Variants in MOSMO observed in about 807,000 individuals in gnomAD.
MOSMO encodes modulator of smoothened protein.
Under a neutral mutation model 18.4 loss-of-function variants are expected in MOSMO, and 5 were observed. The observed-to-expected ratio is 0.27, with a 90% CI of 0.14 to 0.57. The LOEUF (loss-of-function observed/expected upper bound fraction) is 0.57, where lower values mean the gene tolerates loss of function less well. Among genes scored for constraint, MOSMO ranks in the 20% least tolerant of loss-of-function variants. The pLI, the probability that MOSMO is intolerant of heterozygous loss-of-function variation, is 0.92. For missense variants in MOSMO, 138 were observed against 211.8 expected (o/e 0.65, Z 2.16); for synonymous variants, 82 against 82.3 (o/e 1.00, Z 0.02).
chr16:22,052,888 G>A (rs1287191762), intron 1 of MOSMO, among the ~76,000 whole-genome samples: 1 of 150,016 alleles, frequency 6.7e-6, no homozygotes, highest in Non-Finnish European at 1.5e-5. Context: ...CCTCAGGAGA[G>A]AAAACGAGAT....
intron 1 of MOSMO, among the ~76,000 whole-genome samples, chr16:22,057,332 G>C (rs190736181): frequency 1.9e-4 from 29 of 152,316 alleles, no homozygotes; most frequent in African/African-American, 7.0e-4. Flanking sequence ...CCTGAGGGAG[G>C]AACACTGTTC....
chr16:22,083,499 C>T lies in MOSMO; in HGVS notation c.*2619C>T, dbSNP rs1901118594. 3.2e-6 allele frequency: 1 copy of T among 309,038 alleles called. No homozygotes were observed. Among genetic ancestry groups the T allele is most frequent in the African/African-American group, 2.3e-5 (1 of 43,082 alleles). 19.1% of individuals were successfully genotyped at this position (309,038 alleles called of 1,614,324 possible). A position where few individuals can be genotyped will look rare whatever the true frequency, so the allele number is the denominator to read the frequency against. ...TCATTCATATAGATTTCTATAAATC[C>T]TATAAGTGAAAAGATAGACAACTGT... On this transcript the variant is annotated 3_prime_UTR_variant, in exon 3 of 3. Transcript: ENST00000542527.
At chr16:22,012,156 C>T (rs768148158) in intron 1 of MOSMO, among the ~76,000 whole-genome samples, 8 of 151,940 alleles carry the variant, frequency 5.3e-5, no homozygotes, top group Non-Finnish European at 1.0e-4. Flanking sequence ...GTTTTTATAC[C>T]GGATAAAATG....
chr16:22,010,613 C>G (rs962471496), intron 1 of MOSMO, among the ~76,000 whole-genome samples: 2 of 152,118 alleles, frequency 1.3e-5, no homozygotes, highest in Non-Finnish European at 2.9e-5. Flanking sequence ...GATAGCATAA[C>G]GTTCCTAAGA....
downstream of MOSMO, chr16:22,089,922 T>G (rs943954820): frequency 1.3e-5 from 2 of 151,968 alleles, no homozygotes; most frequent in South Asian, 4.1e-4. Flanking sequence ...GAATATCATC[T>G]CCCCTTTGGC....
At position 22,080,907 on chromosome 16, in the gene MOSMO, T is replaced by C. The variant is rs1381024594; in HGVS notation, c.*27T>C. ...GAATGTCTAAATTGCTTGACTCTTA[T>C]TATTTTTTATTTTATTTTATTTTTT... is the stretch of plus-strand genomic sequence containing the variant. On this transcript the variant is annotated 3_prime_UTR_variant, in exon 3 of 3. Transcript: ENST00000542527. 4.5e-6 allele frequency: 5 copies of C among 1,119,496 alleles called. No homozygotes were observed. The highest frequency in any genetic ancestry group is 5.8e-6 in the Non-Finnish European group (5 of 859,870). The allele number at this position is 1,119,496 out of a possible 1,614,324, so 69.3% of individuals were successfully genotyped here. A position where few individuals can be genotyped will look rare whatever the true frequency, so the allele number is the denominator to read the frequency against.
intron 1 of MOSMO, among the ~76,000 whole-genome samples, chr16:22,051,378 T>C (rs1900423441): frequency 6.6e-6 from 1 of 150,566 alleles, no homozygotes; most frequent in Admixed American, 6.6e-5. Flanking sequence ...AGAGCAAGAC[T>C]CCATCTCCAA....
intron 1 of MOSMO, among the ~76,000 whole-genome samples, chr16:22,024,990 CA>C (rs1899846869): frequency 6.6e-6 from 1 of 151,524 alleles, no homozygotes; most frequent in Admixed American, 6.6e-5. Context: ...TCTCTACAAA[CA>C]TTTTTTTTTT....
intron 1 of MOSMO, among the ~76,000 whole-genome samples, chr16:22,054,100 T>G (rs967192663): frequency 1.5e-4 from 23 of 152,098 alleles, no homozygotes; most frequent in South Asian, 4.2e-4. Flanking sequence ...ACTTTTTTTT[T>G]TTTGTTTCAT....
intron 1 of MOSMO, among the ~76,000 whole-genome samples, chr16:22,009,804 C>CAAAAAA (rs56313303): frequency 0.021 from 745 of 35,990 alleles, 6 homozygotes; most frequent in African/African-American, 0.029. Flanking sequence ...ACTAAAAATA[C>CAAAAAA]AAAAAAAAAA....
chr16:22,023,872 G>A (rs1899815480), intron 1 of MOSMO, among the ~76,000 whole-genome samples: 1 of 151,900 alleles, frequency 6.6e-6, no homozygotes, highest in Non-Finnish European at 1.5e-5. Flanking sequence ...ACAGGCTACA[G>A]AGGTACTTAC....
At chr16:22,013,582 C>G (rs1899577230) in intron 1 of MOSMO, among the ~76,000 whole-genome samples, 1 of 152,102 alleles carries the variant, frequency 6.6e-6, no homozygotes, top group African/African-American at 2.4e-5. Context: ...AAATGGTCTG[C>G]AGATCCCTTT....
chr16:22,040,386 T>G lies in MOSMO; in HGVS notation c.106+31979T>G, dbSNP rs1158734514. On this transcript the variant is annotated intron_variant, in intron 1 of 2. Coordinates refer to ENST00000542527, the MANE Select transcript of MOSMO (RefSeq NM_001164579.2). ...ATAACACAAGTTTACCTATGTAACC[T>G]GCACATGTACCCCTGAACTTAAAAG... is the stretch of plus-strand genomic sequence containing the variant. Among the ~76,000 whole-genome samples the G allele has an allele frequency of 2.6e-5, 4 of 152,182 alleles. 1 individual carries two copies. The highest frequency in any genetic ancestry group is 2.6e-4 in the Admixed American group (4 of 15,276).
chr16:22,009,038 G>C (rs1193151042), intron 1 of MOSMO, among the ~76,000 whole-genome samples: 4 of 152,146 alleles, frequency 2.6e-5, no homozygotes, highest in African/African-American at 9.7e-5. Context: ...TGGTGGGAGT[G>C]GGGGGCGCCG....
At chr16:22,020,570 C>T (rs1195875665) in intron 1 of MOSMO, among the ~76,000 whole-genome samples, 1 of 152,112 alleles carries the variant, frequency 6.6e-6, no homozygotes, top group Non-Finnish European at 1.5e-5. Context: ...GCTGGGATTA[C>T]AGGCGTGAGC....
At chr16:22,009,273 A>G (rs576718695) in intron 1 of MOSMO, among the ~76,000 whole-genome samples, 8 of 152,312 alleles carry the variant, frequency 5.3e-5, no homozygotes, top group Admixed American at 2.6e-4. Context: ...AATAGTAGTT[A>G]CAAAATTAAA....
intron 1 of MOSMO, among the ~76,000 whole-genome samples, chr16:22,049,747 T>A (rs1437416357): frequency 6.6e-6 from 1 of 152,234 alleles, no homozygotes; most frequent in Non-Finnish European, 1.5e-5. Flanking sequence ...GATTTTAATT[T>A]TTATATTAAT....
chr16:22,033,818 C>CA (rs949992695), intron 1 of MOSMO, among the ~76,000 whole-genome samples: 1 of 151,614 alleles, frequency 6.6e-6, no homozygotes, highest in African/African-American at 2.4e-5. Flanking sequence ...GACTCCATCT[C>CA]AAAAAAATAA....
downstream of MOSMO, among the ~76,000 whole-genome samples, chr16:22,089,586 C>T (rs1901254900): frequency 6.6e-6 from 1 of 152,218 alleles, no homozygotes; most frequent in African/African-American, 2.4e-5. Flanking sequence ...TGCAGAGGTT[C>T]GTGGTTCAAA....
Sources: gnomAD v4.1 joint callset for allele counts (sites outside exome capture counted in the v4.1 genomes callset) on GRCh38, gnomAD v4.1.1 for gene constraint, MANE v1.5 for transcripts, NCBI Gene and HGNC (gene_info 2026-07-23, HGNC 2026-07-21) for gene names.